AGBL4: variants seen among roughly 807,000 people sequenced by gnomAD.
AGBL4 encodes cytosolic carboxypeptidase 6.
In AGBL4, 58 loss-of-function variants were observed where a neutral mutation model predicts 66.4. The ratio of observed to expected loss-of-function variants is 0.87; its 90% CI spans 0.71 to 1.09. The LOEUF (loss-of-function observed/expected upper bound fraction) is 1.09, where lower values mean the gene tolerates loss of function less well. Among genes scored for constraint, AGBL4 ranks in the 50% least tolerant of loss-of-function variants. AGBL4 has a pLI of 0.00. For synonymous variants in AGBL4, 234 were observed against 222.9 expected (o/e 1.05, Z -0.44); for missense variants, 579 against 631.0 (o/e 0.92, Z 0.88).
chr1:49,806,486 A>T (rs141023137), intron 2 of AGBL4, among the ~76,000 whole-genome samples: 1 of 152,246 alleles, frequency 6.6e-6, no homozygotes, highest in African/African-American at 2.4e-5. Flanking sequence ...AATGTAAAAA[A>T]TAGAAAAATA....
intron 1 of AGBL4, among the ~76,000 whole-genome samples, chr1:49,889,863 T>C (rs1007084079): frequency 1.3e-5 from 2 of 152,158 alleles, no homozygotes; most frequent in Non-Finnish European, 1.5e-5. Flanking sequence ...GTGTCTTAAA[T>C]AGAATAGATA....
chr1:49,751,437 G>A (rs1651454288), intron 2 of AGBL4, among the ~76,000 whole-genome samples: 1 of 152,198 alleles, frequency 6.6e-6, no homozygotes, highest in Non-Finnish European at 1.5e-5. Flanking sequence ...AAGCCGACTT[G>A]ATCGTGGTGG....
chr1:49,052,004 G>T (rs1388727420), intron 4 of AGBL4, among the ~76,000 whole-genome samples: 8 of 151,656 alleles, frequency 5.3e-5, no homozygotes, highest in Admixed American at 3.3e-4. Context: ...AAAAGACATT[G>T]CTCGATTCTT....
At chr1:49,796,777 C>T (rs1205473023) in intron 2 of AGBL4, among the ~76,000 whole-genome samples, 1 of 151,684 alleles carries the variant, frequency 6.6e-6, no homozygotes, top group African/African-American at 2.4e-5. Flanking sequence ...TATGCCTTTT[C>T]TATCTTTTAC....
intron 6 of AGBL4, among the ~76,000 whole-genome samples, chr1:48,717,077 G>A (rs567602006): frequency 6.2e-4 from 94 of 152,330 alleles, no homozygotes; most frequent in African/African-American, 2.2e-3. Context: ...AAGAGCAGGC[G>A]CGGATAGTGC....
At chr1:48,987,959 T>C (rs758516058) in intron 5 of AGBL4, among the ~76,000 whole-genome samples, 1 of 152,152 alleles carries the variant, frequency 6.6e-6, no homozygotes, top group Non-Finnish European at 1.5e-5. Context: ...AGAATGCTCT[T>C]ATTTTTCTTC....
intron 6 of AGBL4, among the ~76,000 whole-genome samples, chr1:48,759,964 G>T (rs1180279757): frequency 6.6e-6 from 1 of 152,168 alleles, no homozygotes; most frequent in Non-Finnish European, 1.5e-5. Context: ...GCATTGAAAG[G>T]TACTTTCAGT....
chr1:49,223,883 ATGT>A (rs1227832356), intron 4 of AGBL4, among the ~76,000 whole-genome samples: 4 of 152,204 alleles, frequency 2.6e-5, no homozygotes, highest in Admixed American at 2.6e-4. Flanking sequence ...TGACAGTAAC[ATGT>A]TGTGCTAATG....
chr1:49,748,795 T>C (rs1651209531), intron 2 of AGBL4, among the ~76,000 whole-genome samples: 1 of 152,234 alleles, frequency 6.6e-6, no homozygotes, highest in Non-Finnish European at 1.5e-5. Context: ...GTTGGCTGCA[T>C]AAATGTCTTC....
chr1:49,854,170 G>C (rs1487617362), intron 1 of AGBL4, among the ~76,000 whole-genome samples: 1 of 38,596 alleles, frequency 2.6e-5, no homozygotes, highest in Non-Finnish European at 4.9e-5. Flanking sequence ...ATGACTATAG[G>C]TGCCTGACAC....
intron 6 of AGBL4, among the ~76,000 whole-genome samples, chr1:48,839,084 T>G (rs1347859275): frequency 2.0e-5 from 3 of 152,126 alleles, no homozygotes; most frequent in Non-Finnish European, 4.4e-5. Context: ...GATGGGAATG[T>G]AAATTAGTAT....
chr1:49,787,387 C>G (rs1414149140), intron 2 of AGBL4, among the ~76,000 whole-genome samples: 6 of 151,708 alleles, frequency 4.0e-5, no homozygotes, highest in Non-Finnish European at 8.8e-5. Context: ...CCTGTAGTCC[C>G]AGCTACTAGG....
intron 2 of AGBL4, among the ~76,000 whole-genome samples, chr1:49,824,357 C>A (rs939525657): frequency 2.6e-5 from 4 of 152,120 alleles, no homozygotes; most frequent in African/African-American, 9.7e-5. Flanking sequence ...CAACCTCTGT[C>A]CAAGGTAAAG....
intron 1 of AGBL4, among the ~76,000 whole-genome samples, chr1:49,967,527 A>T (rs561442207): frequency 2.0e-5 from 3 of 152,044 alleles, no homozygotes; most frequent in Non-Finnish European, 4.4e-5. Context: ...GTGGGGGGCT[A>T]GGGGAGGGAT....
chr1:48,883,201 T>C (rs1246547277), intron 5 of AGBL4, among the ~76,000 whole-genome samples: 1 of 152,206 alleles, frequency 6.6e-6, no homozygotes, highest in East Asian at 1.9e-4. Context: ...TACTGTTTTC[T>C]ATAATGGCTG....
intron 2 of AGBL4, among the ~76,000 whole-genome samples, chr1:49,817,967 TG>T (rs1645272787): frequency 1.3e-5 from 2 of 152,320 alleles, no homozygotes; most frequent in South Asian, 4.1e-4. Flanking sequence ...TTCATTAATC[TG>T]TGCCTGGGGT....
chr1:49,791,427 T>C (rs923565246), intron 2 of AGBL4, among the ~76,000 whole-genome samples: 2 of 152,064 alleles, frequency 1.3e-5, no homozygotes, highest in Admixed American at 1.3e-4. Flanking sequence ...TACCAAAATT[T>C]CCACCTTCCA....
chr1:48,894,292 T>A (rs11205567), intron 5 of AGBL4, among the ~76,000 whole-genome samples: 76,550 of 152,070 alleles, frequency 0.5, 22,259 homozygotes, highest in Non-Finnish European at 0.67. Flanking sequence ...CATTCTCATT[T>A]AATCCTCAAA....
chr1:49,105,910 G>T (rs536574935), intron 4 of AGBL4, among the ~76,000 whole-genome samples: 56 of 152,044 alleles, frequency 3.7e-4, no homozygotes, highest in Non-Finnish European at 7.2e-4. Context: ...AACTCCAAGG[G>T]CAAAATTAGA....
Sources: gnomAD v4.1 joint callset for allele counts (sites outside exome capture counted in the v4.1 genomes callset) on GRCh38, gnomAD v4.1.1 for gene constraint, MANE v1.5 for transcripts, NCBI Gene and HGNC (gene_info 2026-07-23, HGNC 2026-07-21) for gene names.